PRDM16: variants seen among roughly 807,000 people sequenced by gnomAD.
PRDM16 encodes histone-lysine N-methyltransferase PRDM16.
PRDM16 carries 23 observed loss-of-function variants against 110.6 expected under a neutral mutation model. The ratio of observed to expected loss-of-function variants is 0.21; its 90% confidence interval spans 0.15 to 0.29. The LOEUF is 0.29. Ranked by LOEUF, PRDM16 falls within the 10% of genes least tolerant of loss-of-function variation. The pLI, the probability that PRDM16 is intolerant of heterozygous loss-of-function variation, is 1.00. For synonymous variants in PRDM16, 799 were observed against 781.8 expected, an observed-to-expected ratio of 1.02 and a Z score of -0.37; for missense variants, 1,615 against 1,794.3, an observed-to-expected ratio of 0.90 and a Z score of 1.81.
At chr1:3,362,738 G>T (rs974527743) in intron 3 of PRDM16, among the ~76,000 whole-genome samples, 2 of 152,142 alleles carry the variant, frequency 1.3e-5, no homozygotes, top group Admixed American at 1.3e-4. Flanking sequence ...AAAGCCGGCC[G>T]GGTCTCCTCA....
intron 4 of PRDM16, among the ~76,000 whole-genome samples, chr1:3,389,527 C>T (rs1643257943): frequency 6.6e-6 from 1 of 152,224 alleles, no homozygotes; most frequent in African/African-American, 2.4e-5. Context: ...GGTGACCGGG[C>T]CCATCCCAGC....
At chr1:3,419,882 G>A (rs1325421318) in intron 12 of PRDM16, among the ~76,000 whole-genome samples, 1 of 151,792 alleles carries the variant, frequency 6.6e-6, no homozygotes, top group African/African-American at 2.4e-5. Context: ...CCACTTACGG[G>A]TCATCTGTTC....
chr1:3,287,327 C>T (rs1273063615), intron 3 of PRDM16, among the ~76,000 whole-genome samples: 5 of 124,758 alleles, frequency 4.0e-5, no homozygotes, highest in African/African-American at 1.3e-4. Context: ...CCCCGCCACG[C>T]GGGCATCCAG....
At chr1:3,423,973 C>T (rs1337812287) in intron 12 of PRDM16, among the ~76,000 whole-genome samples, 1 of 152,242 alleles carries the variant, frequency 6.6e-6, no homozygotes, top group Non-Finnish European at 1.5e-5. Context: ...CAAGAGCACA[C>T]ACAAGTGTGC....
chr1:3,326,178 C>CTCGTTGGCCATCCTCGACCA, intron 3 of PRDM16, among the ~76,000 whole-genome samples: 1 of 151,854 alleles, frequency 6.6e-6, no homozygotes, highest in South Asian at 2.1e-4. Flanking sequence ...ATCCTTGGCC[C>CTCGTTGGCCATCCTCGACCA]TCCTTGGCCA....
At chr1:3,211,033 A>T (rs1441860026) in intron 2 of PRDM16, among the ~76,000 whole-genome samples, 1 of 152,220 alleles carries the variant, frequency 6.6e-6, no homozygotes, top group African/African-American at 2.4e-5. Flanking sequence ...TACATTTATT[A>T]GTTTAGATAT....
intron 3 of PRDM16, among the ~76,000 whole-genome samples, chr1:3,302,445 G>A (rs1557592535): frequency 1.3e-5 from 2 of 152,190 alleles, no homozygotes; most frequent in Admixed American, 6.5e-5. Flanking sequence ...AATGGCACCA[G>A]TAGACTTGTT....
intron 14 of PRDM16, among the ~76,000 whole-genome samples, chr1:3,429,493 C>G (rs953378203): frequency 6.6e-6 from 1 of 152,252 alleles, no homozygotes; most frequent in African/African-American, 2.4e-5. Flanking sequence ...AGCCTGGGCT[C>G]TCACCCTGCG....
At chr1:3,136,965 G>C (rs1372689849) in intron 1 of PRDM16, among the ~76,000 whole-genome samples, 1 of 152,218 alleles carries the variant, frequency 6.6e-6, no homozygotes, top group Non-Finnish European at 1.5e-5. Flanking sequence ...CTGGAGAGAG[G>C]CTGGTGCAGG....
intron 2 of PRDM16, among the ~76,000 whole-genome samples, chr1:3,195,644 G>T (rs941242305): frequency 1.3e-5 from 2 of 149,990 alleles, no homozygotes; most frequent in Admixed American, 1.3e-4. Flanking sequence ...CCGGCCGCTT[G>T]TACCAAGAGA....
chr1:3,253,351 TC>T (rs35867328), intron 3 of PRDM16, among the ~76,000 whole-genome samples: 17,342 of 74,382 alleles, frequency 0.23, 1,711 homozygotes, highest in Middle Eastern at 0.28. Context: ...ATGCTATCCC[TC>T]CCCCCCTCCC....
At chr1:3,107,613 T>C (rs983971118) in intron 1 of PRDM16, among the ~76,000 whole-genome samples, 4 of 152,242 alleles carry the variant, frequency 2.6e-5, no homozygotes, top group African/African-American at 9.6e-5. Flanking sequence ...CGGGTGTTTG[T>C]GGTAAACCCC....
chr1:3,338,062 G>GACACGTGTGCATGCAC (rs531079654), intron 3 of PRDM16, among the ~76,000 whole-genome samples: 36 of 152,182 alleles, frequency 2.4e-4, no homozygotes, highest in Non-Finnish European at 5.0e-4. Flanking sequence ...CATTCACACA[G>GACACGTGTGCATGCAC]ACACGTGTGC....
At chr1:3,335,619 ACACAC>A (rs1642129350) in intron 3 of PRDM16, among the ~76,000 whole-genome samples, 1 of 151,858 alleles carries the variant, frequency 6.6e-6, no homozygotes, top group Non-Finnish European at 1.5e-5. Context: ...ACACACACAC[ACACAC>A]ACACACACAC....
At chr1:3,374,753 C>T (rs1427524707) in intron 3 of PRDM16, among the ~76,000 whole-genome samples, 1 of 152,246 alleles carries the variant, frequency 6.6e-6, no homozygotes, top group African/African-American at 2.4e-5. Context: ...GCTGGTTCGT[C>T]CCTTCGGGGG....
chr1:3,428,806 C>G (rs1021977691), intron 14 of PRDM16, among the ~76,000 whole-genome samples: 1 of 152,352 alleles, frequency 6.6e-6, no homozygotes, highest in East Asian at 1.9e-4. Flanking sequence ...ATGGGACTCT[C>G]TTAGGAGATA....
At chr1:3,140,751 C>T (rs1056581784) in intron 1 of PRDM16, among the ~76,000 whole-genome samples, 24 of 152,220 alleles carry the variant, frequency 1.6e-4, no homozygotes, top group African/African-American at 5.8e-4. Flanking sequence ...TCACGCGTCC[C>T]TCTCTGCATC....
rs1340165053 is a variant in PRDM16, at chr1:3,205,253, A to G, written c.387+18779A>G. ...GTGCAGCCACAGGGCACCCACCGGA[A>G]CCCCCAAGGCGCCTTCTGAGCTCCC... On this transcript the variant is annotated intron_variant, in intron 2 of 16. Transcript: ENST00000270722. Among the ~76,000 whole-genome samples the G allele has an allele frequency of 4.6e-5, 7 of 151,724 alleles. No individual in the cohort carries two copies. The South Asian group carries it at 6.3e-4, about 14-fold the overall frequency.
chr1:3,395,852 G>A (rs1298696439), intron 4 of PRDM16, among the ~76,000 whole-genome samples: 1 of 152,246 alleles, frequency 6.6e-6, no homozygotes, highest in African/African-American at 2.4e-5. Flanking sequence ...TGACCAGGCT[G>A]CAGAATCTAC....
Sources: allele counts gnomAD v4.1 joint callset (sites outside exome capture counted in the v4.1 genomes callset), GRCh38; gene constraint gnomAD v4.1.1; transcripts MANE v1.5; gene names NCBI Gene and HGNC (gene_info 2026-07-23, HGNC 2026-07-21).